The following TMEM65 variants were observed in gnomAD, a reference collection of about 807,000 sequenced individuals.
TMEM65 encodes transmembrane protein 65.
In TMEM65, 22 loss-of-function variants were observed where a neutral mutation model predicts 25.4. The observed-to-expected ratio is 0.86, with a 90% CI of 0.62 to 1.23. TMEM65 has a LOEUF of 1.23. Among genes scored for constraint, TMEM65 ranks in the 50% most tolerant of loss-of-function variants. TMEM65 has a pLI of 0.00. For missense variants in TMEM65, 262 were observed against 308.2 expected (o/e 0.85, Z 1.12); for synonymous variants, 132 against 126.2 (o/e 1.05, Z -0.31).
At chr8:124,348,149 G>A (rs1265520242) in intron 1 of TMEM65, among the ~76,000 whole-genome samples, 1 of 152,146 alleles carries the variant, frequency 6.6e-6, no homozygotes, top group African/African-American at 2.4e-5. Context: ...GTTTCTCCAT[G>A]TTGGTCAGGC....
rs150730931 is a variant in TMEM65 at position 124,352,947 on chromosome 8, C to T, written c.304+18907G>A. Among the ~76,000 whole-genome samples the T allele has an allele frequency of 9.6e-3, 1,462 of 151,882 alleles. 19 individuals carry two copies. The highest frequency in any genetic ancestry group is 0.031 in the African/African-American group (1,290 of 41,426). On this transcript the variant is annotated intron_variant, in intron 1 of 6. Transcript: ENST00000297632. ...TTTGAGACCAGCCTGGCCAACATGACGAAACACCGTCTATACAAAAAATAC... is the reference window on the plus strand; with the variant it reads ...TTTGAGACCAGCCTGGCCAACATGATGAAACACCGTCTATACAAAAAATAC...
At chr8:124,318,142 C>T (rs1448354947) in intron 6 of TMEM65, among the ~76,000 whole-genome samples, 1 of 151,958 alleles carries the variant, frequency 6.6e-6, no homozygotes, top group Non-Finnish European at 1.5e-5. Context: ...CAACAGCAAG[C>T]CAGAGGTTAG....
chr8:124,332,304 T>C (rs1255352890), intron 1 of TMEM65, among the ~76,000 whole-genome samples: 2 of 152,162 alleles, frequency 1.3e-5, no homozygotes, highest in Non-Finnish European at 2.9e-5. Flanking sequence ...TCATCATCAC[T>C]ACAGTTCTGA....
chr8:124,308,871 T>G lies in TMEM65; in HGVS notation c.*5089A>C, dbSNP rs181981580. The G allele has an allele frequency of 6.6e-6, 1 of 152,118 alleles. No homozygotes were observed. 9.4% of individuals were successfully genotyped at this position (152,118 alleles called of 1,614,324 possible). A position where few individuals can be genotyped will look rare whatever the true frequency, so the allele number is the denominator to read the frequency against. Reference sequence around the variant, plus strand: ...GTGGAAGAAGGATTAATACCATATATAGAAATATTTTGAGAAATGAAAAAA... The same window carrying G: ...GTGGAAGAAGGATTAATACCATATAGAGAAATATTTTGAGAAATGAAAAAA... On this transcript the variant is annotated 3_prime_UTR_variant, in exon 7 of 7. Transcript: ENST00000297632.
chr8:124,362,371 G>GA (rs1196376418), intron 1 of TMEM65, among the ~76,000 whole-genome samples: 1 of 151,032 alleles, frequency 6.6e-6, no homozygotes, highest in Non-Finnish European at 1.5e-5. Context: ...AAAGAGAATA[G>GA]AAAAAATTGG....
chr8:124,365,267 A>G (rs1814923377), intron 1 of TMEM65, among the ~76,000 whole-genome samples: 1 of 152,228 alleles, frequency 6.6e-6, no homozygotes, highest in Non-Finnish European at 1.5e-5. Flanking sequence ...TATTTCCCAA[A>G]TTTCTAATAT....
intron 1 of TMEM65, among the ~76,000 whole-genome samples, chr8:124,345,030 T>C (rs1020825107): frequency 6.6e-6 from 1 of 152,130 alleles, no homozygotes; most frequent in Non-Finnish European, 1.5e-5. Flanking sequence ...AGGGGGAAAT[T>C]GTTAAATTAA....
At chr8:124,367,043 T>G (rs1430608143) in intron 1 of TMEM65, among the ~76,000 whole-genome samples, 1 of 152,226 alleles carries the variant, frequency 6.6e-6, no homozygotes, top group African/African-American at 2.4e-5. Flanking sequence ...TTATTCCTTT[T>G]TACTATCTCA....
chr8:124,321,311 T>C (rs1308213600), intron 5 of TMEM65, among the ~76,000 whole-genome samples: 6 of 152,218 alleles, frequency 3.9e-5, no homozygotes, highest in Non-Finnish European at 8.8e-5. Context: ...AAATCTGAAA[T>C]TGTAACACTC....
At position 124,371,834 on chromosome 8, in the gene TMEM65, C is replaced by T; in HGVS notation, c.304+20G>A. Reference sequence around the variant, plus strand: ...AGGGCGTCGGGGCCCCCGGGCTCGCCCCCCACCTGCCCCCCTTACCTTGGG... The same window carrying T: ...AGGGCGTCGGGGCCCCCGGGCTCGCTCCCCACCTGCCCCCCTTACCTTGGG... On this transcript the variant is annotated intron_variant, in intron 1 of 6. Coordinates refer to ENST00000297632, the MANE Select transcript of TMEM65 (RefSeq NM_194291.3). 1 of 1,504,350 alleles carries T rather than the reference C, an allele frequency of 6.6e-7. No individual in the cohort carries two copies. Among genetic ancestry groups the T allele is most frequent in the Non-Finnish European group, 8.8e-7 (1 of 1,132,348 alleles). The allele number at this position is 1,504,350 out of a possible 1,614,324, so 93.2% of individuals were successfully genotyped here.
intron 1 of TMEM65, among the ~76,000 whole-genome samples, chr8:124,345,022 G>A (rs1433686228): frequency 6.6e-6 from 1 of 152,168 alleles, no homozygotes; most frequent in African/African-American, 2.4e-5. Context: ...TGATCAAAAG[G>A]GGGAAATTGT....
At chr8:124,367,541 A>G (rs973566319) in intron 1 of TMEM65, among the ~76,000 whole-genome samples, 1 of 152,212 alleles carries the variant, frequency 6.6e-6, no homozygotes, top group Non-Finnish European at 1.5e-5. Context: ...GGGCTGAAAA[A>G]AAATAAGGAT....
intron 1 of TMEM65, among the ~76,000 whole-genome samples, chr8:124,366,714 G>GA (rs776420938): frequency 0.015 from 1,503 of 99,242 alleles, 31 homozygotes; most frequent in Middle Eastern, 0.025. Flanking sequence ...TTTCATAATG[G>GA]AAAAAAAAAA....
chr8:124,348,747 C>A (rs1374413892), intron 1 of TMEM65, among the ~76,000 whole-genome samples: 1 of 152,198 alleles, frequency 6.6e-6, no homozygotes, highest in South Asian at 2.1e-4. Flanking sequence ...GATATATTAC[C>A]TTCTTTTTCA....
intron 1 of TMEM65, among the ~76,000 whole-genome samples, chr8:124,350,485 A>T (rs1181335482): frequency 9.4e-4 from 137 of 146,498 alleles, no homozygotes; most frequent in Non-Finnish European, 1.8e-3. Context: ...TCTCACACAC[A>T]CACACACACA....
intron 1 of TMEM65, among the ~76,000 whole-genome samples, chr8:124,344,023 G>A (rs753650333): frequency 6.6e-6 from 1 of 152,178 alleles, no homozygotes; most frequent in Non-Finnish European, 1.5e-5. Flanking sequence ...CAATAATGGA[G>A]CCTTAGACAA....
At chr8:124,356,640 G>A (rs575119229) in intron 1 of TMEM65, among the ~76,000 whole-genome samples, 1 of 152,102 alleles carries the variant, frequency 6.6e-6, no homozygotes, top group Non-Finnish European at 1.5e-5. Flanking sequence ...AAATCTAATG[G>A]ACCCCACACA....
At chr8:124,351,249 A>G in intron 1 of TMEM65, 1 of 398,248 alleles carries the variant, frequency 2.5e-6, no homozygotes, top group South Asian at 1.0e-4. Context: ...TTGCACAGTA[A>G]TGTGGGGTCA....
intron 1 of TMEM65, among the ~76,000 whole-genome samples, chr8:124,365,825 G>A (rs2131231717): frequency 6.6e-6 from 1 of 152,320 alleles, no homozygotes; most frequent in South Asian, 2.1e-4. Flanking sequence ...CTGACACTTT[G>A]ATTTTAGTCC....
Sources: gnomAD v4.1 joint callset for allele counts (sites outside exome capture counted in the v4.1 genomes callset) on GRCh38, gnomAD v4.1.1 for gene constraint, MANE v1.5 for transcripts, NCBI Gene and HGNC (gene_info 2026-07-23, HGNC 2026-07-21) for gene names.